Variants in LRMDA observed in about 807,000 individuals in gnomAD.
LRMDA encodes leucine-rich melanocyte differentiation-associated protein.
Under a neutral mutation model 29.8 loss-of-function variants are expected in LRMDA, and 18 were observed. The ratio of observed to expected loss-of-function variants is 0.60; its 90% CI spans 0.42 to 0.90. The LOEUF is 0.90. Among genes scored for constraint, LRMDA ranks in the 40% least tolerant of loss-of-function variants. The pLI is 0.00. For missense variants in LRMDA, 273 were observed against 273.9 expected (o/e 1.00, Z 0.02); for synonymous variants, 125 against 109.4 (o/e 1.14, Z -0.89).
At chr10:76,268,255 G>A (rs1366288842) in intron 5 of LRMDA, among the ~76,000 whole-genome samples, 1 of 152,182 alleles carries the variant, frequency 6.6e-6, no homozygotes, top group African/African-American at 2.4e-5. Flanking sequence ...TCAGCTGTGT[G>A]ATCTTGACAC....
At chr10:76,129,545 C>G (rs1849948323) in intron 5 of LRMDA, among the ~76,000 whole-genome samples, 1 of 152,168 alleles carries the variant, frequency 6.6e-6, no homozygotes, top group African/African-American at 2.4e-5. Flanking sequence ...AGAGGATGTG[C>G]ACATGGCTAA....
At chr10:75,804,539 G>A (rs1238761841) in intron 2 of LRMDA, among the ~76,000 whole-genome samples, 1 of 152,214 alleles carries the variant, frequency 6.6e-6, no homozygotes, top group Non-Finnish European at 1.5e-5. Context: ...ATCTCTCTTG[G>A]CATCTTCTGC....
chr10:76,390,210 A>G (rs1212264144), intron 6 of LRMDA, among the ~76,000 whole-genome samples: 1 of 152,162 alleles, frequency 6.6e-6, no homozygotes, highest in East Asian at 1.9e-4. Flanking sequence ...TAATGGATAT[A>G]AGGTGGTATC....
At chr10:76,221,239 C>T (rs1043858239) in intron 5 of LRMDA, among the ~76,000 whole-genome samples, 1 of 152,118 alleles carries the variant, frequency 6.6e-6, no homozygotes, top group Non-Finnish European at 1.5e-5. Context: ...TCTCACCACT[C>T]CTATTCAACA....
intron 2 of LRMDA, among the ~76,000 whole-genome samples, chr10:75,787,498 C>T (rs1349009432): frequency 6.6e-6 from 1 of 152,192 alleles, no homozygotes; most frequent in Non-Finnish European, 1.5e-5. Flanking sequence ...ATTGTCAGGA[C>T]ATACCCACAG....
chr10:76,143,660 G>A (rs1850252250), intron 5 of LRMDA, among the ~76,000 whole-genome samples: 1 of 152,130 alleles, frequency 6.6e-6, no homozygotes, highest in Non-Finnish European at 1.5e-5. Flanking sequence ...CACTCTGATG[G>A]TAGTTTGTTT....
intron 2 of LRMDA, among the ~76,000 whole-genome samples, chr10:75,839,700 C>CTTTTT (rs1160178913): frequency 3.6e-5 from 3 of 82,780 alleles, no homozygotes; most frequent in African/African-American, 1.3e-4. Context: ...ATCCGACTTT[C>CTTTTT]TTTTTTTTTT....
At chr10:76,302,658 C>A (rs1840496138) in intron 5 of LRMDA, among the ~76,000 whole-genome samples, 1 of 152,092 alleles carries the variant, frequency 6.6e-6, no homozygotes, top group Non-Finnish European at 1.5e-5. Context: ...CTTATTATGG[C>A]AACCTAAGGA....
intron 2 of LRMDA, among the ~76,000 whole-genome samples, chr10:75,516,651 G>T (rs1045322429): frequency 1.1e-4 from 17 of 152,086 alleles, no homozygotes; most frequent in African/African-American, 4.1e-4. Context: ...TCTATAGGTT[G>T]CCTGTTCACT....
At chr10:75,830,134 C>T (rs1043594522) in intron 2 of LRMDA, among the ~76,000 whole-genome samples, 3 of 152,140 alleles carry the variant, frequency 2.0e-5, no homozygotes, top group African/African-American at 7.2e-5. Context: ...ATCGAACCAC[C>T]TTAAACGTCC....
intron 5 of LRMDA, among the ~76,000 whole-genome samples, chr10:76,206,365 C>T (rs754895593): frequency 2.0e-5 from 3 of 152,190 alleles, no homozygotes; most frequent in Non-Finnish European, 2.9e-5. Context: ...GGAAACATTC[C>T]TCATTTTCCC....
chr10:75,459,595 T>C (rs1182547728), intron 2 of LRMDA, among the ~76,000 whole-genome samples: 1 of 152,238 alleles, frequency 6.6e-6, no homozygotes, highest in Non-Finnish European at 1.5e-5. Flanking sequence ...CATTATGGAA[T>C]ACAAATATAT....
chr10:75,518,896 A>C (rs1351819229), intron 2 of LRMDA, among the ~76,000 whole-genome samples: 2 of 152,270 alleles, frequency 1.3e-5, no homozygotes, highest in East Asian at 3.9e-4. Context: ...ATTCTGGTAC[A>C]TGCTGTGTCT....
At chr10:75,923,751 T>C (rs777223654) in intron 2 of LRMDA, among the ~76,000 whole-genome samples, 1 of 152,152 alleles carries the variant, frequency 6.6e-6, no homozygotes, top group Non-Finnish European at 1.5e-5. Flanking sequence ...TAAGGTGTCT[T>C]AAGACTCCTC....
rs569711047 is a variant in LRMDA at position 76,173,458 on chromosome 10, G to C, written c.516+114675G>C. Among the ~76,000 whole-genome samples the C allele has an allele frequency of 1.7e-3, 263 of 152,146 alleles. 1 individual carries two copies. Among genetic ancestry groups the C allele is most frequent in the Non-Finnish European group, 3.0e-3 (204 of 68,040 alleles). ...ATTGATAAACCTCTAGCTTACCAGAGTGATAAGGAACCAGATAGAAGGCAC... is the reference window on the plus strand; with the variant it reads ...ATTGATAAACCTCTAGCTTACCAGACTGATAAGGAACCAGATAGAAGGCAC... On this transcript the variant is annotated intron_variant, in intron 5 of 6. Transcript: ENST00000611255.
chr10:75,754,006 A>T (rs1278227750), intron 2 of LRMDA, among the ~76,000 whole-genome samples: 2 of 152,238 alleles, frequency 1.3e-5, no homozygotes, highest in Admixed American at 1.3e-4. Flanking sequence ...AATTACGGCT[A>T]TGGGAAGGCA....
intron 6 of LRMDA, among the ~76,000 whole-genome samples, chr10:76,329,326 T>G (rs1025865697): frequency 6.6e-6 from 1 of 152,224 alleles, no homozygotes; most frequent in Non-Finnish European, 1.5e-5. Flanking sequence ...AGCTATCATG[T>G]GGAGGATCTC....
At chr10:76,094,209 CT>C (rs2132094376) in intron 5 of LRMDA, among the ~76,000 whole-genome samples, 1 of 152,302 alleles carries the variant, frequency 6.6e-6, no homozygotes, top group African/African-American at 2.4e-5. Flanking sequence ...TTTCTCTCAA[CT>C]TACCAAATAG....
chr10:76,364,761 G>C (rs1430586543), intron 6 of LRMDA, among the ~76,000 whole-genome samples: 1 of 151,770 alleles, frequency 6.6e-6, no homozygotes. Context: ...ACATGAGTAA[G>C]TCCTTTAGTG....
Sources: allele counts gnomAD v4.1 joint callset (sites outside exome capture counted in the v4.1 genomes callset), GRCh38; gene constraint gnomAD v4.1.1; transcripts MANE v1.5; gene names NCBI Gene and HGNC (gene_info 2026-07-23, HGNC 2026-07-21).